KCNAB1: variants seen among roughly 807,000 people sequenced by gnomAD.
The protein encoded by KCNAB1 is potassium voltage-gated channel subfamily A regulatory beta subunit 1, also known as voltage-gated potassium channel subunit beta-1.
Under a neutral mutation model 64.6 loss-of-function variants are expected in KCNAB1, and 35 were observed. The ratio of observed to expected loss-of-function variants is 0.54; its 90% CI spans 0.41 to 0.72. The LOEUF (loss-of-function observed/expected upper bound fraction) is 0.72, where lower values mean the gene tolerates loss of function less well. KCNAB1 is among the 30% of genes least tolerant of loss of function. KCNAB1 has a pLI of 0.00. For missense variants in KCNAB1, 401 were observed against 512.9 expected, an observed-to-expected ratio of 0.78 and a Z score of 2.11; for synonymous variants, 177 against 183.8, an observed-to-expected ratio of 0.96 and a Z score of 0.30.
At chr3:156,302,504 G>A (rs1302409543) in intron 1 of KCNAB1, among the ~76,000 whole-genome samples, 1 of 152,124 alleles carries the variant, frequency 6.6e-6, no homozygotes, top group Non-Finnish European at 1.5e-5. Context: ...GTGAAGCAAG[G>A]CAGCAAAAAG....
chr3:156,428,533 A>ACACACACACACACACACACACACACACC (rs59772816), intron 2 of KCNAB1, among the ~76,000 whole-genome samples: 13 of 143,146 alleles, frequency 9.1e-5, no homozygotes, highest in African/African-American at 3.4e-4. Context: ...ACACACACAC[A>ACACACACACACACACACACACACACACC]CCCTATTGGT....
At chr3:156,269,490 G>A (rs545821256) in intron 1 of KCNAB1, among the ~76,000 whole-genome samples, 4 of 152,300 alleles carry the variant, frequency 2.6e-5, no homozygotes, top group Admixed American at 6.5e-5. Context: ...GAAGTGCTCT[G>A]TAAATAACTA....
chr3:156,229,953 G>A (rs1716419613), intron 1 of KCNAB1, among the ~76,000 whole-genome samples: 1 of 152,158 alleles, frequency 6.6e-6, no homozygotes. Context: ...CATTTAGTTA[G>A]ACATCTAACA....
chr3:156,317,920 G>C (rs1435667970), intron 1 of KCNAB1, among the ~76,000 whole-genome samples: 4 of 146,280 alleles, frequency 2.7e-5, no homozygotes, highest in Non-Finnish European at 1.5e-5. Flanking sequence ...TTCCATTAAA[G>C]CAATATGCTA....
chr3:156,222,264 T>G (rs2108416692), intron 1 of KCNAB1, among the ~76,000 whole-genome samples: 1 of 152,210 alleles, frequency 6.6e-6, no homozygotes, highest in Middle Eastern at 3.4e-3. Flanking sequence ...ACACTAAAAG[T>G]GAGCAGAAGT....
chr3:156,363,914 C>A (rs1188946669), intron 1 of KCNAB1, among the ~76,000 whole-genome samples: 1 of 152,254 alleles, frequency 6.6e-6, no homozygotes, highest in Non-Finnish European at 1.5e-5. Context: ...GATGCTGGAT[C>A]ATACCATTTC....
At chr3:156,465,764 A>G (rs1295871736) in intron 7 of KCNAB1, 78 bp downstream of exon 7, 1 of 1,194,484 alleles carries the variant, frequency 8.4e-7, no homozygotes, top group Non-Finnish European at 1.2e-6. Context: ...CAAATTCAGA[A>G]CACACTGGAA....
At chr3:156,283,677 T>C (rs973753492) in intron 1 of KCNAB1, among the ~76,000 whole-genome samples, 1 of 151,960 alleles carries the variant, frequency 6.6e-6, no homozygotes, top group Non-Finnish European at 1.5e-5. Context: ...TTTTATTCTT[T>C]TTTCTCTAGA....
At chr3:156,293,797 T>G (rs1205813793) in intron 1 of KCNAB1, among the ~76,000 whole-genome samples, 1 of 152,220 alleles carries the variant, frequency 6.6e-6, no homozygotes, top group Non-Finnish European at 1.5e-5. Flanking sequence ...ATGTTTTCTA[T>G]GGCTGCTGCT....
intron 5 of KCNAB1, among the ~76,000 whole-genome samples, chr3:156,461,336 C>T (rs936493514): frequency 2.6e-5 from 4 of 152,336 alleles, no homozygotes; most frequent in Non-Finnish European, 4.4e-5. Context: ...CTTGCTTCCT[C>T]TTAGCTTCCA....
At chr3:156,395,311 C>T (rs546127029) in intron 1 of KCNAB1, among the ~76,000 whole-genome samples, 2 of 149,440 alleles carry the variant, frequency 1.3e-5, no homozygotes, top group African/African-American at 5.1e-5. Context: ...TTTGGGAGGC[C>T]GAGGCGGGCG....
At chr3:156,135,127 G>C (rs537623317) in intron 1 of KCNAB1, among the ~76,000 whole-genome samples, 2 of 152,034 alleles carry the variant, frequency 1.3e-5, no homozygotes, top group Non-Finnish European at 2.9e-5. Context: ...CTCCCGAGTA[G>C]CTGGAATTAC....
At chr3:156,505,882 C>T (rs552393048) in intron 8 of KCNAB1, among the ~76,000 whole-genome samples, 30 of 152,102 alleles carry the variant, frequency 2.0e-4, no homozygotes, top group Admixed American at 4.6e-4. Flanking sequence ...CTCTTTTAAA[C>T]AACCAGCTCT....
At chr3:156,299,049 A>G (rs888583926) in intron 1 of KCNAB1, among the ~76,000 whole-genome samples, 4 of 152,212 alleles carry the variant, frequency 2.6e-5, no homozygotes, top group East Asian at 3.8e-4. Flanking sequence ...ACTTTGTTTT[A>G]TATAGATTGG....
intron 2 of KCNAB1, among the ~76,000 whole-genome samples, chr3:156,427,080 G>A (rs911097782): frequency 4.6e-4 from 70 of 152,146 alleles, no homozygotes; most frequent in African/African-American, 1.6e-3. Context: ...GAATGAGTAG[G>A]GCTGGTGATC....
intron 1 of KCNAB1, among the ~76,000 whole-genome samples, chr3:156,223,871 C>T (rs1371047615): frequency 6.6e-6 from 1 of 152,244 alleles, no homozygotes; most frequent in Non-Finnish European, 1.5e-5. Context: ...CGCACTGGGG[C>T]ACAGGTGAAG....
intron 1 of KCNAB1, among the ~76,000 whole-genome samples, chr3:156,346,174 G>A (rs999953461): frequency 6.6e-5 from 10 of 151,836 alleles, no homozygotes; most frequent in Admixed American, 6.6e-4. Context: ...GACACCTATA[G>A]GGAAATGAAG....
At position 156,232,178 on chromosome 3, in the gene KCNAB1, A is replaced by G. The variant is rs571678041; in HGVS notation, c.275+111292A>G. On this transcript the variant is annotated intron_variant, in intron 1 of 13. Coordinates refer to ENST00000490337, the MANE Select transcript of KCNAB1 (RefSeq NM_172160.3). ...TAGTAAGCATTAGCCACCTGAAAAA[A>G]GGAAGTTAGATTAATAATTTGCCTC... Among the ~76,000 whole-genome samples, 5 of 152,360 alleles carry G rather than the reference A, an allele frequency of 3.3e-5. No individual in the cohort carries two copies. In the South Asian group the frequency reaches 6.2e-4, roughly 19 times the overall value.
At chr3:156,167,627 A>G (rs1711667579) in intron 1 of KCNAB1, among the ~76,000 whole-genome samples, 1 of 152,226 alleles carries the variant, frequency 6.6e-6, no homozygotes, top group African/African-American at 2.4e-5. Flanking sequence ...TGTATAAAAT[A>G]TGATGTTTAT....
Sources: allele counts gnomAD v4.1 joint callset (sites outside exome capture counted in the v4.1 genomes callset), GRCh38; gene constraint gnomAD v4.1.1; transcripts MANE v1.5; gene names NCBI Gene and HGNC (gene_info 2026-07-23, HGNC 2026-07-21).